ATF6: variants seen among roughly 807,000 people sequenced by gnomAD.
ATF6 encodes the protein cyclic AMP-dependent transcription factor ATF-6 alpha.
ATF6 carries 53 observed loss-of-function variants against 83.6 expected under a neutral mutation model. The ratio of observed to expected loss-of-function variants is 0.63; its 90% CI spans 0.51 to 0.80. ATF6 has a LOEUF of 0.80. Ranked by LOEUF, ATF6 falls within the 30% of genes least tolerant of loss-of-function variation. The pLI is 0.00. For synonymous variants in ATF6, 288 were observed against 285.8 expected (o/e 1.01, Z -0.08); for missense variants, 744 against 797.9 (o/e 0.93, Z 0.81).
intron 14 of ATF6, among the ~76,000 whole-genome samples, chr1:161,863,947 T>G (rs1301185600): frequency 6.6e-6 from 1 of 152,212 alleles, no homozygotes; most frequent in Non-Finnish European, 1.5e-5. Flanking sequence ...TTCTATAAAA[T>G]GAAAATATTT....
At chr1:161,897,542 A>G (rs972912643) in intron 14 of ATF6, among the ~76,000 whole-genome samples, 2 of 152,182 alleles carry the variant, frequency 1.3e-5, no homozygotes, top group Non-Finnish European at 2.9e-5. Context: ...TGCTGCTCCT[A>G]AAAAACCTAC....
intron 14 of ATF6, among the ~76,000 whole-genome samples, chr1:161,883,501 A>G (rs1687359645): frequency 6.6e-6 from 1 of 152,058 alleles, no homozygotes; most frequent in African/African-American, 2.4e-5. Flanking sequence ...ACTACATCAC[A>G]TTCATTTGGA....
chr1:161,819,818 GGTAA>G lies in ATF6; in HGVS notation c.1095+3_1095+6del, dbSNP rs1219052191. 1 of 1,606,778 alleles carries G rather than the reference GGTAA, an allele frequency of 6.2e-7. No individual in the cohort carries two copies. Among genetic ancestry groups the G allele is most frequent in the Non-Finnish European group, 8.5e-7 (1 of 1,176,842 alleles). The stretch of plus-strand genomic sequence containing the variant: ...GGCAGCTGGATGAAGTTGTGTCAGA[GGTAA>G]GTGTTAGTAATACGGCTGAGTCGAG... On this transcript the variant is annotated splice_donor_variant and splice_donor_region_variant and intron_variant, in intron 8 of 15. Coordinates refer to ENST00000367942, the MANE Select transcript of ATF6 (RefSeq NM_007348.4). LOFTEE classifies it high-confidence loss of function.
At chr1:161,854,720 AAGTT>A (rs1175365697) in intron 12 of ATF6, among the ~76,000 whole-genome samples, 2 of 151,928 alleles carry the variant, frequency 1.3e-5, no homozygotes, top group Non-Finnish European at 2.9e-5. Flanking sequence ...AAAATACAAA[AAGTT>A]AGCCAGGCGT....
intron 2 of ATF6, among the ~76,000 whole-genome samples, chr1:161,780,892 T>C (rs761719134): frequency 1.2e-4 from 18 of 152,126 alleles, no homozygotes; most frequent in Admixed American, 3.9e-4. Context: ...GTATTTTTTT[T>C]CTTAGGTAGA....
intron 15 of ATF6, among the ~76,000 whole-genome samples, chr1:161,941,413 A>G (rs1213767413): frequency 6.6e-6 from 1 of 152,230 alleles, no homozygotes; most frequent in Non-Finnish European, 1.5e-5. Flanking sequence ...TTTAAAAGTA[A>G]CAAGTCACTG....
chr1:161,906,929 G>A (rs189597517), intron 14 of ATF6, among the ~76,000 whole-genome samples: 29 of 152,246 alleles, frequency 1.9e-4, no homozygotes, highest in Middle Eastern at 3.4e-3. Flanking sequence ...GCCCTGTATC[G>A]TAGACATTTT....
At chr1:161,887,249 T>C (rs1274799967) in intron 14 of ATF6, among the ~76,000 whole-genome samples, 3 of 112,434 alleles carry the variant, frequency 2.7e-5, no homozygotes, top group African/African-American at 9.9e-5. Flanking sequence ...TTTTTGTGCT[T>C]TTTTTTTTTT....
At chr1:161,859,563 C>A (rs1033740772) in intron 12 of ATF6, among the ~76,000 whole-genome samples, 2 of 152,088 alleles carry the variant, frequency 1.3e-5, no homozygotes, top group African/African-American at 4.8e-5. Flanking sequence ...TGGTAATATG[C>A]CCTTGAAGTC....
chr1:161,792,958 A>G (rs1684917778), intron 6 of ATF6, among the ~76,000 whole-genome samples: 2 of 152,156 alleles, frequency 1.3e-5, no homozygotes, highest in Admixed American at 1.3e-4. Context: ...CCGTATGGAG[A>G]TCTCTTAGGT....
intron 10 of ATF6, among the ~76,000 whole-genome samples, chr1:161,850,926 G>A (rs563547782): frequency 3.9e-5 from 6 of 152,042 alleles, no homozygotes; most frequent in South Asian, 2.1e-4. Context: ...TGCTCCCTAC[G>A]TCACACCTTG....
chr1:161,831,379 C>G (rs1686056113), intron 9 of ATF6, among the ~76,000 whole-genome samples: 1 of 152,186 alleles, frequency 6.6e-6, no homozygotes, highest in Non-Finnish European at 1.5e-5. Flanking sequence ...TTGTGGAAGA[C>G]AGTGTGGCAA....
chr1:161,892,628 CTT>C (rs773642361), intron 14 of ATF6, among the ~76,000 whole-genome samples: 13 of 124,662 alleles, frequency 1.0e-4, no homozygotes, highest in Admixed American at 8.9e-5. Flanking sequence ...ACAGGTCATT[CTT>C]TTTTTTTTTT....
intron 15 of ATF6, among the ~76,000 whole-genome samples, chr1:161,926,501 A>G (rs955573098): frequency 6.6e-6 from 1 of 152,186 alleles, no homozygotes; most frequent in Admixed American, 6.5e-5. Context: ...TGGCTTCCCC[A>G]AAGCAACTGT....
chr1:161,766,461 T>C lies in ATF6; in HGVS notation c.82+19T>C. The stretch of plus-strand genomic sequence containing the variant: ...GATTGGGGTGAGTGGGATCTGAGAA[T>C]GTACCAGGGTGGCTCGGGTTCGCGT... On this transcript the variant is annotated intron_variant, in intron 1 of 15. Coordinates refer to ENST00000367942, the MANE Select transcript of ATF6 (RefSeq NM_007348.4). 6.2e-7 allele frequency: 1 copy of C among 1,609,704 alleles called. No individual in the cohort carries two copies. Among genetic ancestry groups the C allele is most frequent in the East Asian group, 2.2e-5 (1 of 44,770 alleles).
chr1:161,782,797 T>C (rs1163630264), intron 3 of ATF6, among the ~76,000 whole-genome samples: 1 of 28,062 alleles, frequency 3.6e-5, no homozygotes, highest in East Asian at 8.8e-4. Flanking sequence ...GTTTTATCGT[T>C]TGACAAACTA....
At chr1:161,917,808 T>G (rs1688131007) in intron 15 of ATF6, among the ~76,000 whole-genome samples, 1 of 152,198 alleles carries the variant, frequency 6.6e-6, no homozygotes, top group Admixed American at 6.5e-5. Flanking sequence ...ATTTTCTGCT[T>G]GCGGCATTAT....
chr1:161,906,339 A>ACAAGAAACCATTTTGAC (rs540741818), intron 14 of ATF6, among the ~76,000 whole-genome samples: 125 of 152,332 alleles, frequency 8.2e-4, no homozygotes, highest in African/African-American at 2.8e-3. Flanking sequence ...GAAAGTATTT[A>ACAAGAAACCATTTTGAC]CAAGAAACCA....
intron 6 of ATF6, among the ~76,000 whole-genome samples, chr1:161,794,264 TA>T (rs1327356294): frequency 2.6e-5 from 4 of 152,124 alleles, no homozygotes; most frequent in Non-Finnish European, 5.9e-5. Context: ...CATACAGATT[TA>T]AAGTATGTTT....
Sources: gnomAD v4.1 joint callset for allele counts (sites outside exome capture counted in the v4.1 genomes callset) on GRCh38, gnomAD v4.1.1 for gene constraint, MANE v1.5 for transcripts, NCBI Gene and HGNC (gene_info 2026-07-23, HGNC 2026-07-21) for gene names.